CSGALNACT1: variants seen among roughly 807,000 people sequenced by gnomAD.
The protein encoded by CSGALNACT1 is chondroitin sulfate N-acetylgalactosaminyltransferase 1, also known as beta4GalNAcT-1.
CSGALNACT1 carries 52 observed loss-of-function variants against 51.0 expected under a neutral mutation model. The ratio of observed to expected loss-of-function variants is 1.02; its 90% CI spans 0.82 to 1.29. The LOEUF (loss-of-function observed/expected upper bound fraction) is 1.29. CSGALNACT1 is among the 50% of genes most tolerant of loss of function. The pLI, the probability that CSGALNACT1 is intolerant of heterozygous loss-of-function variation, is 0.00. For synonymous variants in CSGALNACT1, 341 were observed against 254.4 expected (o/e 1.34, Z -3.24); for missense variants, 935 against 679.2 (o/e 1.38, Z -4.19).
intron 3 of CSGALNACT1, among the ~76,000 whole-genome samples, chr8:19,514,332 A>G (rs1471452644): frequency 6.6e-6 from 1 of 151,596 alleles, no homozygotes. Context: ...ACAGACAGCA[A>G]TCTGTGTGGA....
rs367769044 is a variant in CSGALNACT1, at chr8:19,654,970, T to A, written c.-544+27503A>T. Among the ~76,000 whole-genome samples the A allele has an allele frequency of 5.6e-4, 85 of 152,270 alleles. 1 individual carries two copies. The South Asian group carries it at 0.017, about 31-fold the overall frequency. On this transcript the variant is annotated intron_variant, in intron 1 of 9. Coordinates refer to the CSGALNACT1 transcript ENST00000332246. ...TAAAAAAAAAAATTCTAAAATCACC[T>A]GATGGTAGACCAGAATTAAAAAGGA... is the stretch of plus-strand genomic sequence containing the variant.
intron 1 of CSGALNACT1, among the ~76,000 whole-genome samples, chr8:19,670,719 G>C (rs1359786870): frequency 6.8e-6 from 1 of 146,746 alleles, no homozygotes; most frequent in Non-Finnish European, 1.5e-5. Context: ...TTTGCTTGTA[G>C]AAAAAAGATA....
At chr8:19,745,382 C>A (rs1399113680) in intron 1 of CSGALNACT1, among the ~76,000 whole-genome samples, 1 of 152,124 alleles carries the variant, frequency 6.6e-6, no homozygotes, top group Non-Finnish European at 1.5e-5. Context: ...TTATGGGGTA[C>A]ATTTGGTTTT....
intron 3 of CSGALNACT1, among the ~76,000 whole-genome samples, chr8:19,563,762 A>T (rs1447749052): frequency 6.6e-6 from 1 of 152,174 alleles, no homozygotes; most frequent in Non-Finnish European, 1.5e-5. Context: ...AAGTCTGCTC[A>T]GATCCCTCTA....
intron 3 of CSGALNACT1, among the ~76,000 whole-genome samples, chr8:19,555,644 T>A (rs1178716920): frequency 1.3e-5 from 2 of 152,234 alleles, no homozygotes; most frequent in African/African-American, 4.8e-5. Context: ...GTGGTTACAA[T>A]GCTGTTTATT....
In CSGALNACT1 at chr8:19,407,924, T is replaced by C. The variant is rs922307970; in HGVS notation, c.1309+689A>G. Among the ~76,000 whole-genome samples the C allele has an allele frequency of 3.4e-4, 45 of 132,176 alleles. 1 individual carries two copies. Among genetic ancestry groups the C allele is most frequent in the Admixed American group, 6.0e-4 (8 of 13,432 alleles). 86.7% of individuals were successfully genotyped at this position (132,176 alleles called of 152,430 possible). ...TATGAATTGTGTGTGTGTGTGTGTG[T>C]GTGTGTGTGTGTGTGTGTGTGTGTG... On this transcript the variant is annotated intron_variant, in intron 9 of 9. Coordinates refer to ENST00000454498, the Ensembl canonical transcript of CSGALNACT1.
chr8:19,600,963 G>A (rs1346752932), intron 2 of CSGALNACT1, among the ~76,000 whole-genome samples: 1 of 151,024 alleles, frequency 6.6e-6, no homozygotes, highest in Non-Finnish European at 1.5e-5. Context: ...TATGCCTATT[G>A]AATTACTTCT....
At chr8:19,513,436 C>CTCTCTCTCTCTCTATATATA in intron 3 of CSGALNACT1, among the ~76,000 whole-genome samples, 26 of 81,966 alleles carry the variant, frequency 3.2e-4, no homozygotes, top group East Asian at 7.9e-4. Flanking sequence ...CTCTCTCTCT[C>CTCTCTCTCTCTCTATATATA]TATATATATA....
chr8:19,558,052 T>C (rs1303249869), intron 3 of CSGALNACT1, among the ~76,000 whole-genome samples: 2 of 152,222 alleles, frequency 1.3e-5, no homozygotes, highest in Non-Finnish European at 2.9e-5. Context: ...ACTCATCTCA[T>C]CTCTTGGACA....
At chr8:19,480,647 A>C (rs1000795968) in intron 4 of CSGALNACT1, among the ~76,000 whole-genome samples, 1 of 152,210 alleles carries the variant, frequency 6.6e-6, no homozygotes, top group African/African-American at 2.4e-5. Context: ...CCTAGCAAAG[A>C]GCATAGTTGC....
intron 6 of CSGALNACT1, among the ~76,000 whole-genome samples, chr8:19,426,797 C>T (rs1189975763): frequency 2.0e-5 from 3 of 152,122 alleles, no homozygotes; most frequent in Non-Finnish European, 2.9e-5. Context: ...ACTTGCATTT[C>T]CCAGAATTAC....
At chr8:19,529,497 G>A (rs556968529) in intron 3 of CSGALNACT1, among the ~76,000 whole-genome samples, 1 of 152,112 alleles carries the variant, frequency 6.6e-6, no homozygotes, top group South Asian at 2.1e-4. Context: ...TGACTTTGAC[G>A]TTTGGGCTCT....
At chr8:19,707,508 C>G (rs1437696427) in intron 1 of CSGALNACT1, among the ~76,000 whole-genome samples, 1 of 152,146 alleles carries the variant, frequency 6.6e-6, no homozygotes. Context: ...TACAATTTAT[C>G]ATTTGAACCA....
At chr8:19,575,899 T>C (rs1043783987) in intron 3 of CSGALNACT1, among the ~76,000 whole-genome samples, 4 of 152,098 alleles carry the variant, frequency 2.6e-5, no homozygotes, top group Non-Finnish European at 4.4e-5. Flanking sequence ...TACTTTTCTA[T>C]CTTTTGAGAT....
chr8:19,722,289 C>T (rs1180730100), intron 1 of CSGALNACT1, among the ~76,000 whole-genome samples: 1 of 152,122 alleles, frequency 6.6e-6, no homozygotes, highest in African/African-American at 2.4e-5. Flanking sequence ...GGGCCTCCAT[C>T]AGTATTTTTT....
At chr8:19,576,846 T>C (rs976381153) in intron 3 of CSGALNACT1, among the ~76,000 whole-genome samples, 8 of 152,072 alleles carry the variant, frequency 5.3e-5, no homozygotes, top group Admixed American at 2.0e-4. Context: ...GGCTGACTTG[T>C]TTCCTGTGCA....
chr8:19,737,950 A>T (rs2064085901), intron 1 of CSGALNACT1, among the ~76,000 whole-genome samples: 1 of 152,228 alleles, frequency 6.6e-6, no homozygotes, highest in South Asian at 2.1e-4. Context: ...ATATTAAAAG[A>T]GTTCTGGAGA....
chr8:19,523,458 C>T (rs904191670), intron 3 of CSGALNACT1, among the ~76,000 whole-genome samples: 1 of 151,708 alleles, frequency 6.6e-6, no homozygotes, highest in African/African-American at 2.4e-5. Context: ...TTTGTGGAGA[C>T]GTAGTCTTGC....
At chr8:19,528,035 A>G (rs747224634) in intron 3 of CSGALNACT1, among the ~76,000 whole-genome samples, 1 of 152,144 alleles carries the variant, frequency 6.6e-6, no homozygotes, top group African/African-American at 2.4e-5. Context: ...AAGAGGAAAT[A>G]AGCCTGCAAA....
Sources: allele counts gnomAD v4.1 joint callset (sites outside exome capture counted in the v4.1 genomes callset), GRCh38; gene constraint gnomAD v4.1.1; transcripts MANE v1.5; gene names NCBI Gene and HGNC (gene_info 2026-07-23, HGNC 2026-07-21).